Variants in SLC26A4 observed in about 807,000 individuals in gnomAD.
SLC26A4 encodes the protein solute carrier family 26 member 4, also known as pendrin.
A neutral mutation model predicts 90.4 loss-of-function variants in SLC26A4; 93 were observed. The ratio of observed to expected loss-of-function variants is 1.03; its 90% CI spans 0.87 to 1.22. The LOEUF is 1.22. Ranked by LOEUF, SLC26A4 falls within the 50% of genes most tolerant of loss-of-function variation. SLC26A4 has a pLI of 0.00. For missense variants in SLC26A4, 1,127 were observed against 946.2 expected, an observed-to-expected ratio of 1.19 and a Z score of -2.51; for synonymous variants, 393 against 354.6, an observed-to-expected ratio of 1.11 and a Z score of -1.22.
At position 107,674,220 on chromosome 7, in the gene SLC26A4, G is replaced by A. The variant is rs144972701; in HGVS notation, c.472G>A (p.Asp158Asn). ...ATCTGTTGTTCTGAGCATGGCCCCC[G>A]ACGAACACTTTCTCGTATCCAGCAG... is the stretch of plus-strand genomic sequence containing the variant. ...VGSVVLSMAP[D>N]EHFLVSSSNG... is the part of the protein sequence containing the mutation. Residue 158 changes from aspartate (D) to asparagine (N), a missense_variant, in exon 5 of 21, where the codon GAC becomes AAC. Physicochemically the swap from Asp to Asn is conservative, Grantham distance 23 (BLOSUM62 1). Coordinates refer to ENST00000644269, the MANE Select transcript of SLC26A4 (RefSeq NM_000441.2). 26 of 1,614,040 alleles carry A rather than the reference G, an allele frequency of 1.6e-5. No individual in the cohort carries two copies. The highest frequency in any genetic ancestry group is 5.0e-5 in the Admixed American group (3 of 60,018).
At chr7:107,704,451 C>A in intron 18 of SLC26A4, 66 bp downstream of exon 18, 2 of 741,346 alleles carry the variant, frequency 2.7e-6, no homozygotes, top group East Asian at 2.6e-5. Context: ...CTATCTGGGA[C>A]TGTGGTCACA....
At chr7:107,682,255 C>A (rs1426243318) in intron 6 of SLC26A4, among the ~76,000 whole-genome samples, 1 of 151,584 alleles carries the variant, frequency 6.6e-6, no homozygotes, top group Non-Finnish European at 1.5e-5. Flanking sequence ...GTGCAGTACA[C>A]CAACATGGCA....
In SLC26A4 at chr7:107,662,072, C is replaced by G. The variant is rs1361930518; in HGVS notation, c.164+267C>G. ...AGTGGGTTCTAGGAGCCCCGTCTCTCTTTTTCCTCTCTGAAGGAAACTTGG... is the reference window on the plus strand; with the variant it reads ...AGTGGGTTCTAGGAGCCCCGTCTCTGTTTTTCCTCTCTGAAGGAAACTTGG... On this transcript the variant is annotated intron_variant, in intron 2 of 20. Transcript: ENST00000644269. 1.8e-5 allele frequency: 10 copies of G among 542,552 alleles called. No individual in the cohort carries two copies. In the East Asian group the frequency reaches 1.9e-4, roughly 11 times the overall value. The allele number at this position is 542,552 out of a possible 1,614,324, so 33.6% of individuals were successfully genotyped here. A position where few individuals can be genotyped will look rare whatever the true frequency, so the allele number is the denominator to read the frequency against.
rs144241411 is a variant in SLC26A4 at position 107,700,003 on chromosome 7, C to G, written c.1615-80C>G. 5.6e-5 allele frequency: 48 copies of G among 852,662 alleles called. No individual in the cohort carries two copies. In the African/African-American group the frequency reaches 7.6e-4, roughly 14 times the overall value. 52.8% of individuals were successfully genotyped at this position (852,662 alleles called of 1,614,324 possible). ...TCCTCTGAGCAACTGTGACTTGACT[C>G]CTTGCTAAGTAGCCAGAAATGTAAT... is the stretch of plus-strand genomic sequence containing the variant. On this transcript the variant is annotated intron_variant, in intron 14 of 20. Transcript: ENST00000644269.
At chr7:107,711,172 G>T (rs565956915) in intron 19 of SLC26A4, among the ~76,000 whole-genome samples, 3 of 150,076 alleles carry the variant, frequency 2.0e-5, no homozygotes, top group Admixed American at 2.0e-4. Flanking sequence ...AAAGAGTAAA[G>T]CTACAAATCT....
intron 19 of SLC26A4, 48 bp from the exon 20 acceptor site, chr7:107,712,491 A>G: frequency 1.1e-6 from 1 of 899,318 alleles, no homozygotes; most frequent in Non-Finnish European, 1.9e-6. Context: ...GTGGAGCATC[A>G]GGTGGGTTGA....
At chr7:107,683,577 A>G (rs1312739867) in intron 8 of SLC26A4, 40 bp downstream of exon 8, 1 of 1,472,218 alleles carries the variant, frequency 6.8e-7, no homozygotes. Context: ...ACATTAAGTC[A>G]GTAAGTCAGT....
chr7:107,690,869 T>G (rs1791547307), intron 10 of SLC26A4, among the ~76,000 whole-genome samples: 1 of 152,048 alleles, frequency 6.6e-6, no homozygotes, highest in African/African-American at 2.4e-5. Flanking sequence ...AATCTCTGGA[T>G]AATCCCTCCT....
At chr7:107,666,191 T>C (rs551120247) in intron 3 of SLC26A4, among the ~76,000 whole-genome samples, 2 of 152,286 alleles carry the variant, frequency 1.3e-5, no homozygotes, top group African/African-American at 4.8e-5. Context: ...TTAAATATAC[T>C]GCAATAGGGA....
At chr7:107,685,900 G>T (rs888259876) in intron 8 of SLC26A4, among the ~76,000 whole-genome samples, 1 of 151,832 alleles carries the variant, frequency 6.6e-6, no homozygotes, top group Non-Finnish European at 1.5e-5. Flanking sequence ...TCACGCACGT[G>T]TATGTGTAAA....
intron 19 of SLC26A4, among the ~76,000 whole-genome samples, chr7:107,712,029 A>G (rs1172813298): frequency 1.3e-5 from 2 of 152,196 alleles, no homozygotes; most frequent in African/African-American, 2.4e-5. Context: ...TAGAAGATTA[A>G]ATTACATGCC....
Position 107,661,645 on chromosome 7 carries a change from G to T in SLC26A4, c.4G>T (p.Ala2Ser). 1 of 1,562,940 alleles carries T rather than the reference G, an allele frequency of 6.4e-7. No individual in the cohort carries two copies. The change falls in exon 2 of 21, where the codon GCA (alanine) becomes TCA (serine). Residue 2 changes from alanine (A) to serine (S), a missense_variant. Ala to Ser is a moderately conservative substitution (Grantham distance 99). Coordinates refer to ENST00000644269, the MANE Select transcript of SLC26A4 (RefSeq NM_000441.2). The surrounding 1 kb of genome is among the most constrained non-coding windows in gnomAD (Gnocchi z 5.1). MAAPGGRSEPPQ... is the reference protein window; with the variant it reads MSAPGGRSEPPQ... ...GCTGTCCTCTGGCTCGCAGGTCATG[G>T]CAGCGCCAGGCGGCAGGTCGGAGCC...
Position 107,661,804 on chromosome 7 carries a change from AG to A in SLC26A4, c.164+1del, listed in dbSNP as rs786204504. 1.3e-6 allele frequency: 2 copies of A among 1,535,900 alleles called. No individual in the cohort carries two copies. Among genetic ancestry groups the A allele is most frequent in the Middle Eastern group, 2.1e-4 (1 of 4,776 alleles). ...GCGGGAGAGCCTGGCCAAGTGCTGCAGGTAGCGGCCGCGCGGGCCTGCGTAG... is the reference window on the plus strand; with the variant it reads ...GCGGGAGAGCCTGGCCAAGTGCTGCAGTAGCGGCCGCGCGGGCCTGCGTAG... ...TLRESLAKCC[S>X]CSRKRAFGVL... On this transcript the variant is annotated frameshift_variant and splice_region_variant, in exon 2 of 21. Coordinates refer to ENST00000644269, the MANE Select transcript of SLC26A4 (RefSeq NM_000441.2). LOFTEE classifies it high-confidence loss of function. The surrounding 1 kb of genome is among the most constrained non-coding windows in gnomAD (Gnocchi z 5.1).
chr7:107,691,790 A>G lies in SLC26A4; in HGVS notation c.1263+1553A>G, dbSNP rs371176962. Reference sequence around the variant, plus strand: ...TCTTAATTTTTTATTTTTTTTGCAAATATTTCCAGCTCTGAGGGAGCAGGT... The same window carrying G: ...TCTTAATTTTTTATTTTTTTTGCAAGTATTTCCAGCTCTGAGGGAGCAGGT... On this transcript the variant is annotated intron_variant, in intron 10 of 20. Transcript: ENST00000644269. 172 of 1,016,634 alleles carry G rather than the reference A, an allele frequency of 1.7e-4. No individual in the cohort carries two copies. The African/African-American group carries it at 2.8e-3, about 17-fold the overall frequency. The allele number at this position is 1,016,634 out of a possible 1,614,324, so 63.0% of individuals were successfully genotyped here.
intron 3 of SLC26A4, among the ~76,000 whole-genome samples, chr7:107,666,216 G>A (rs1790707990): frequency 6.6e-6 from 1 of 152,068 alleles, no homozygotes; most frequent in African/African-American, 2.4e-5. Flanking sequence ...TTTGAAAGGT[G>A]GATCTTTATT....
In SLC26A4 at chr7:107,661,607, G is replaced by C. The variant is rs768659907; in HGVS notation, c.-3-32G>C. 6.5e-7 allele frequency: 1 copy of C among 1,543,320 alleles called. No individual in the cohort carries two copies. The highest frequency in any genetic ancestry group is 1.2e-5 in the South Asian group (1 of 84,364). Reference sequence around the variant, plus strand: ...CTCCGATCGTCCTCGCTTACCGCGTGTCCTCCCTCCTCGCTGTCCTCTGGC... The same window carrying C: ...CTCCGATCGTCCTCGCTTACCGCGTCTCCTCCCTCCTCGCTGTCCTCTGGC... On this transcript the variant is annotated intron_variant, in intron 1 of 20. Transcript: ENST00000644269. The surrounding 1 kb of genome is among the most constrained non-coding windows in gnomAD (Gnocchi z 5.1).
In SLC26A4 at chr7:107,679,911, G is replaced by T. The variant is rs1433381788; in HGVS notation, c.766-3291G>T. On this transcript the variant is annotated intron_variant, in intron 6 of 20. Transcript: ENST00000644269. ...TATCTTATATAATCTTATATTATAT[G>T]CTCTTATATAATATAATCTTATTAT... Among the ~76,000 whole-genome samples, 268 of 98,588 alleles carry T rather than the reference G, an allele frequency of 2.7e-3. 10 individuals are homozygous for T. The highest frequency in any genetic ancestry group is 0.011 in the African/African-American group (249 of 23,042). The allele number at this position is 98,588 out of a possible 152,430, so 64.7% of individuals were successfully genotyped here.
intron 15 of SLC26A4, 152 bp downstream of exon 15, chr7:107,700,327 T>C: frequency 1.6e-6 from 1 of 623,438 alleles, no homozygotes; most frequent in Non-Finnish European, 2.9e-6. Flanking sequence ...ATCCTTGCCT[T>C]CAAATAATTT....
intron 13 of SLC26A4, among the ~76,000 whole-genome samples, chr7:107,696,869 C>A (rs1157127463): frequency 9.2e-5 from 14 of 152,174 alleles, no homozygotes; most frequent in Non-Finnish European, 2.1e-4. Flanking sequence ...AGACTTCTGG[C>A]CCCTGCTCTG....
Sources: gnomAD v4.1 joint callset for allele counts (sites outside exome capture counted in the v4.1 genomes callset) on GRCh38, gnomAD v4.1.1 for gene constraint, Gnocchi (gnomAD v3.1) non-coding constraint, MANE v1.5 for transcripts, NCBI Gene and HGNC (gene_info 2026-07-23, HGNC 2026-07-21) for gene names.